The following BICRA variants were observed in gnomAD, a reference collection of about 807,000 sequenced individuals.
BICRA encodes the protein BRD4-interacting chromatin-remodeling complex-associated protein.
Under a neutral mutation model 96.9 loss-of-function variants are expected in BICRA, and 31 were observed. That is an observed-to-expected ratio of 0.32 (90% CI 0.24 to 0.43). The LOEUF is 0.43. Ranked by LOEUF, BICRA falls within the 20% of genes least tolerant of loss-of-function variation. The pLI is 1.00. For missense variants in BICRA, 2,283 were observed against 2,190.3 expected (o/e 1.04, Z -0.84); for synonymous variants, 1,350 against 1,071.8 (o/e 1.26, Z -5.07).
intron 1 of BICRA, among the ~76,000 whole-genome samples, chr19:47,635,490 C>G (rs8108436): frequency 0.27 from 41,082 of 151,278 alleles, 6,022 homozygotes; most frequent in Non-Finnish European, 0.33. Context: ...TGGGCTCAAG[C>G]TATCCACCTG....
At chr19:47,623,186 G>A (rs115194054) in intron 1 of BICRA, among the ~76,000 whole-genome samples, 7 of 151,752 alleles carry the variant, frequency 4.6e-5, no homozygotes, top group Admixed American at 2.0e-4. Context: ...CCCCGTCAGC[G>A]ACCTCCTGTG....
chr19:47,693,648 CT>C (rs1973274976), intron 7 of BICRA, among the ~76,000 whole-genome samples: 2 of 152,304 alleles, frequency 1.3e-5, no homozygotes, highest in African/African-American at 4.8e-5. Flanking sequence ...CTGGTGGGGG[CT>C]GGCGGCTGGG....
intron 7 of BICRA, among the ~76,000 whole-genome samples, chr19:47,685,491 T>G (rs1973130682): frequency 6.6e-6 from 1 of 152,134 alleles, no homozygotes; most frequent in South Asian, 2.1e-4. Flanking sequence ...GATGGCTGAA[T>G]AGACGGACGG....
At chr19:47,650,112 C>A (rs1972519809) in intron 1 of BICRA, among the ~76,000 whole-genome samples, 1 of 151,830 alleles carries the variant, frequency 6.6e-6, no homozygotes. Context: ...GCCACCATGC[C>A]TGGCTAATTT....
chr19:47,698,618 C>A lies in BICRA; in HGVS notation c.3249-16C>A, dbSNP rs541839600. 3 of 1,362,148 alleles carry A rather than the reference C, an allele frequency of 2.2e-6. No homozygotes were observed. Among genetic ancestry groups the A allele is most frequent in the South Asian group, 2.4e-5 (2 of 84,884 alleles). 84.4% of individuals were successfully genotyped at this position (1,362,148 alleles called of 1,614,324 possible). A position where few individuals can be genotyped will look rare whatever the true frequency, so the allele number is the denominator to read the frequency against. On this transcript the variant is annotated splice_polypyrimidine_tract_variant and intron_variant, in intron 11 of 14. Transcript: ENST00000594866. This position sits in a 1 kb window ranked among gnomAD's most constrained non-coding sequence, Gnocchi z 4.8. Reference sequence around the variant, plus strand: ...CACCCTCCGCCGTGTGTGGTCTCTCCCCTTTCCACCCGCAGTTTCCTGGAG... The same window carrying A: ...CACCCTCCGCCGTGTGTGGTCTCTCACCTTTCCACCCGCAGTTTCCTGGAG...
intron 6 of BICRA, 100 bp from the exon 7 acceptor site, chr19:47,681,876 C>T: frequency 4.7e-6 from 4 of 854,730 alleles, no homozygotes; most frequent in Non-Finnish European, 7.1e-6. Flanking sequence ...ACCCCATTCT[C>T]TGGAACCCTG....
At chr19:47,676,812 C>T (rs1200632984) in intron 5 of BICRA, among the ~76,000 whole-genome samples, 2 of 151,540 alleles carry the variant, frequency 1.3e-5, no homozygotes, top group Non-Finnish European at 2.9e-5. Context: ...CAGTGGTGAT[C>T]CTGTTACTAT....
intron 11 of BICRA, 79 bp downstream of exon 11, chr19:47,696,591 G>A: frequency 7.4e-7 from 1 of 1,358,030 alleles, no homozygotes; most frequent in South Asian, 1.3e-5. Flanking sequence ...CCCTCCAGAA[G>A]CAGAGTTGGG....
At chr19:47,622,154 A>G (rs1972074310) in intron 1 of BICRA, among the ~76,000 whole-genome samples, 1 of 151,582 alleles carries the variant, frequency 6.6e-6, no homozygotes, top group Non-Finnish European at 1.5e-5. Context: ...TTTAGTAGAG[A>G]CAGGTTTCAC....
intron 1 of BICRA, among the ~76,000 whole-genome samples, chr19:47,642,991 T>C (rs1378700982): frequency 6.6e-6 from 1 of 152,256 alleles, no homozygotes; most frequent in Non-Finnish European, 1.5e-5. Context: ...TTGTTGTCTC[T>C]TTTGAGACGG....
At chr19:47,695,342 T>TCGGGGGGGGC in intron 9 of BICRA, 23 bp from the exon 10 acceptor site, 9 of 630,196 alleles carry the variant, frequency 1.4e-5, no homozygotes, top group Non-Finnish European at 2.3e-5. Context: ...AGGCCCTGTC[T>TCGGGGGGGGC]CCCCCACCCC....
At position 47,680,133 on chromosome 19, in the gene BICRA, G is replaced by T; in HGVS notation, c.963G>T (p.Ser321=). 6.6e-7 allele frequency: 1 copy of T among 1,526,396 alleles called. No homozygotes were observed. Among genetic ancestry groups the T allele is most frequent in the East Asian group, 2.5e-5 (1 of 40,408 alleles). The allele number at this position is 1,526,396 out of a possible 1,614,324, so 94.6% of individuals were successfully genotyped here. Reference sequence around the variant, plus strand: ...CCTCGGCTCCCACCGGGACGCCCTCGGGACAGCCGCTGGCGGTGGCCCCAG... The same window carrying T: ...CCTCGGCTCCCACCGGGACGCCCTCTGGACAGCCGCTGGCGGTGGCCCCAG... ...GAASAPTGTP[S]GQPLAVAPGL... The change falls in exon 6 of 15, where the codon TCG becomes TCT. Residue 321 remains serine, a synonymous_variant. Coordinates refer to ENST00000594866, the MANE Select transcript of BICRA (RefSeq NM_001394372.1).
chr19:47,638,229 T>TC (rs1406455106), intron 1 of BICRA, among the ~76,000 whole-genome samples: 2 of 151,738 alleles, frequency 1.3e-5, no homozygotes, highest in African/African-American at 4.8e-5. Flanking sequence ...GCAGCTCTGC[T>TC]CCCCCCTCAG....
chr19:47,696,436 C>T lies in BICRA; in HGVS notation c.3187-15C>T, dbSNP rs1301405287. On this transcript the variant is annotated splice_polypyrimidine_tract_variant and intron_variant, in intron 10 of 14. Coordinates refer to ENST00000594866, the MANE Select transcript of BICRA (RefSeq NM_001394372.1). ...TCTGGAGGCAAAGGCCTCTCACTCG[C>T]CTTTCTTCTCCCAGTATGAGAGCAA... 1 of 1,584,930 alleles carries T rather than the reference C, an allele frequency of 6.3e-7. No individual in the cohort carries two copies. The highest frequency in any genetic ancestry group is 2.3e-5 in the East Asian group (1 of 43,306).
Position 47,699,459 on chromosome 19 carries a change from G to A in BICRA, c.3595+54G>A, listed in dbSNP as rs1381301893. The A allele has an allele frequency of 2.0e-6, 2 of 1,009,338 alleles. No homozygotes were observed. Among genetic ancestry groups the A allele is most frequent in the Non-Finnish European group, 3.1e-6 (2 of 653,790 alleles). 62.5% of individuals were successfully genotyped at this position (1,009,338 alleles called of 1,614,324 possible). ...AGGGAGAGGTGCCCCCACCCCACCT[G>A]GGCAGAAGAGTTAGATTCAGGGCGG... On this transcript the variant is annotated intron_variant, in intron 14 of 14. Transcript: ENST00000594866. The surrounding 1 kb of genome is among the most constrained non-coding windows in gnomAD (Gnocchi z 5.0).
rs1341345546 is a variant in BICRA, at chr19:47,679,854, C to G, written c.684C>G (p.Ala228=). The change falls in exon 6 of 15, where the codon GCC becomes GCG. Residue 228 remains alanine, a synonymous_variant. Transcript: ENST00000594866. ...PNGSPGGATA[A]TLGLAPIQVV... is the part of the protein sequence containing the mutation. ...GCAGCCCTGGGGGTGCCACGGCGGC[C>G]ACACTGGGCCTGGCGCCCATCCAGG... The G allele has an allele frequency of 6.7e-7, 1 of 1,498,742 alleles. No individual in the cohort carries two copies. Among genetic ancestry groups the G allele is most frequent in the African/African-American group, 1.4e-5 (1 of 70,528 alleles). 92.8% of individuals were successfully genotyped at this position (1,498,742 alleles called of 1,614,324 possible).
chr19:47,660,554 T>A (rs1393081974), intron 1 of BICRA, among the ~76,000 whole-genome samples: 3 of 152,194 alleles, frequency 2.0e-5, no homozygotes, highest in African/African-American at 4.8e-5. Flanking sequence ...CATAGCATGT[T>A]AAGTCCACGT....
chr19:47,654,802 A>G (rs562597587), intron 1 of BICRA, among the ~76,000 whole-genome samples: 490 of 152,084 alleles, frequency 3.2e-3, no homozygotes, highest in Middle Eastern at 6.8e-3. Flanking sequence ...AAAAAAAAAA[A>G]AAAATCACAA....
At position 47,698,890 on chromosome 19, in the gene BICRA, TGCCCC is replaced by T; in HGVS notation, c.3398-70_3398-66del. ...GGTCCACGGTGCGCTATGCTGACCC[TGCCCC>T]GCCCTCCTTCCTGCGCATCCGCGGC... On this transcript the variant is annotated intron_variant, in intron 12 of 14. Coordinates refer to ENST00000594866, the MANE Select transcript of BICRA (RefSeq NM_001394372.1). The surrounding 1 kb of genome is among the most constrained non-coding windows in gnomAD (Gnocchi z 4.8). The T allele has an allele frequency of 7.3e-7, 1 of 1,365,254 alleles. No homozygotes were observed. Among genetic ancestry groups the T allele is most frequent in the Non-Finnish European group, 1.0e-6 (1 of 977,300 alleles). The allele number at this position is 1,365,254 out of a possible 1,614,324, so 84.6% of individuals were successfully genotyped here.
Sources: allele counts gnomAD v4.1 joint callset (sites outside exome capture counted in the v4.1 genomes callset), GRCh38; gene constraint gnomAD v4.1.1; non-coding constraint Gnocchi (gnomAD v3.1); transcripts MANE v1.5; gene names NCBI Gene and HGNC (gene_info 2026-07-23, HGNC 2026-07-21).